The following TENM4 variants were observed in gnomAD, a reference collection of about 807,000 sequenced individuals.
TENM4 encodes teneurin transmembrane protein 4.
A neutral mutation model predicts 243.3 loss-of-function variants in TENM4; 82 were observed. That is an observed-to-expected ratio of 0.34 (90% confidence interval 0.28 to 0.40). TENM4 has a LOEUF of 0.40. Among genes scored for constraint, TENM4 ranks in the 10% least tolerant of loss-of-function variants. The pLI is 1.00. For synonymous variants in TENM4, 1,412 were observed against 1,456.3 expected (o/e 0.97, Z 0.69); for missense variants, 3,138 against 3,673.3 (o/e 0.85, Z 3.77).
chr11:79,325,008 AG>A (rs1856950528), intron 1 of TENM4, among the ~76,000 whole-genome samples: 1 of 152,222 alleles, frequency 6.6e-6, no homozygotes, highest in African/African-American at 2.4e-5. Flanking sequence ...AGCCAGGGAC[AG>A]GTTTTTCTGA....
chr11:79,220,844 A>G (rs1310425688), intron 2 of TENM4: 1 of 152,194 alleles, frequency 6.6e-6, no homozygotes, highest in Admixed American at 6.5e-5. Context: ...CAAACTACAG[A>G]GTCTGTAGTT....
intron 2 of TENM4, among the ~76,000 whole-genome samples, chr11:79,285,240 A>AAAAT (rs754881459): frequency 1.0e-4 from 14 of 138,584 alleles, no homozygotes; most frequent in Non-Finnish European, 2.1e-4. Context: ...CAGTTTCAAA[A>AAAAT]AAATAAATAA....
At chr11:78,782,264 C>A (rs1383547082) in intron 16 of TENM4, among the ~76,000 whole-genome samples, 1 of 150,252 alleles carries the variant, frequency 6.7e-6, no homozygotes, top group African/African-American at 2.5e-5. Flanking sequence ...TTGTTAGAGA[C>A]CAGCCTGGTC....
chr11:78,933,225 GA>G (rs1856710614), intron 6 of TENM4, among the ~76,000 whole-genome samples: 1 of 152,074 alleles, frequency 6.6e-6, no homozygotes, highest in Admixed American at 6.5e-5. Context: ...CATTGGTAAG[GA>G]GGGGATAATA....
Position 78,657,953 on chromosome 11 carries a change from G to C in TENM4, c.*105C>G. On this transcript the variant is annotated 3_prime_UTR_variant, in exon 34 of 34. Coordinates refer to ENST00000278550, the MANE Select transcript of TENM4 (RefSeq NM_001098816.3). ...GTTACAATGCAACCAGTATCTTTTT[G>C]TTTCTGCACTTGTTAAAAAATCATT... 6.5e-7 allele frequency: 1 copy of C among 1,539,854 alleles called. No individual in the cohort carries two copies. The highest frequency in any genetic ancestry group is 9.0e-7 in the Non-Finnish European group (1 of 1,117,294).
chr11:79,061,220 G>T (rs570003004), intron 6 of TENM4, among the ~76,000 whole-genome samples: 1 of 152,274 alleles, frequency 6.6e-6, no homozygotes, highest in South Asian at 2.1e-4. Context: ...TCCCATGATT[G>T]CTGTCATTAT....
At chr11:79,186,802 C>T (rs529429756) in intron 3 of TENM4, among the ~76,000 whole-genome samples, 2 of 152,282 alleles carry the variant, frequency 1.3e-5, no homozygotes, top group African/African-American at 4.8e-5. Context: ...TGAATCTATA[C>T]TTGAATGCAC....
At chr11:78,979,013 T>A (rs1390811904) in intron 6 of TENM4, among the ~76,000 whole-genome samples, 1 of 152,084 alleles carries the variant, frequency 6.6e-6, no homozygotes, top group Non-Finnish European at 1.5e-5. Context: ...ATTGGGGAAA[T>A]GACAGAAGAG....
intron 6 of TENM4, among the ~76,000 whole-genome samples, chr11:79,061,965 A>ATTTTTT (rs10647135): frequency 7.0e-6 from 1 of 143,292 alleles, no homozygotes; most frequent in Admixed American, 6.9e-5. Context: ...GGTGGCAACT[A>ATTTTTT]TTTTTTTTTT....
chr11:78,736,490 G>GCA (rs1266387640), intron 20 of TENM4, among the ~76,000 whole-genome samples: 9 of 149,782 alleles, frequency 6.0e-5, no homozygotes, highest in African/African-American at 2.2e-4. Context: ...GCGCGCGCGT[G>GCA]CATGTGAGTA....
chr11:79,324,368 C>T (rs1856939774), intron 1 of TENM4, among the ~76,000 whole-genome samples: 1 of 151,882 alleles, frequency 6.6e-6, no homozygotes, highest in African/African-American at 2.4e-5. Flanking sequence ...ACTATAAGTA[C>T]ATACCACTAT....
chr11:78,935,470 T>C (rs546723051), intron 6 of TENM4, among the ~76,000 whole-genome samples: 2 of 152,338 alleles, frequency 1.3e-5, no homozygotes, highest in East Asian at 3.9e-4. Context: ...CTGCCCATTT[T>C]ACAGGTGAGG....
chr11:79,232,092 A>G (rs539882621), intron 2 of TENM4, among the ~76,000 whole-genome samples: 1 of 152,312 alleles, frequency 6.6e-6, no homozygotes, highest in East Asian at 1.9e-4. Context: ...AGAAAAAAGA[A>G]AAAGCAAACA....
intron 27 of TENM4, among the ~76,000 whole-genome samples, chr11:78,704,157 G>GTATATATATATA (rs1201390547): frequency 1.4e-5 from 1 of 70,536 alleles, no homozygotes; most frequent in Non-Finnish European, 2.8e-5. Context: ...ATGTATGTGT[G>GTATATATATATA]TCTATATATA....
At chr11:78,695,606 A>G (rs1455120299) in intron 28 of TENM4, among the ~76,000 whole-genome samples, 1 of 151,402 alleles carries the variant, frequency 6.6e-6, no homozygotes, top group South Asian at 2.1e-4. Context: ...CAGGTGATCC[A>G]CCTGCCTCGG....
In TENM4 at chr11:78,702,128, C is replaced by A. The variant is rs752059393; in HGVS notation, c.4485G>T (p.Arg1495Ser). The change falls in exon 28 of 34, where the codon AGG (arginine) becomes AGT (serine). Residue 1495 changes from arginine to serine, a missense_variant. Arg to Ser is a moderately radical substitution (Grantham distance 110). Around this residue, in one of 2 missense-constraint regions of TENM4, gnomAD observed 2,467 missense variants for 3,059.1 expected, o/e 0.81. Transcript: ENST00000278550. ...ETDEKKINRI[R>S]QVTTSGEISL... is the part of the protein sequence containing the mutation. ...AGATCTCTCCACTAGTGGTGACCTG[C>A]CTGATGCGGTTGATCTTTTTCTCAT... 3 of 1,613,940 alleles carry A rather than the reference C, an allele frequency of 1.9e-6. No individual in the cohort carries two copies. Among genetic ancestry groups the A allele is most frequent in the Admixed American group, 1.7e-5 (1 of 60,032 alleles).
In TENM4 at chr11:79,027,889, C is replaced by T. The variant is rs141828971; in HGVS notation, c.493+36849G>A. Among the ~76,000 whole-genome samples the T allele has an allele frequency of 5.8e-3, 879 of 152,230 alleles. 9 individuals carry two copies. Among genetic ancestry groups the T allele is most frequent in the African/African-American group, 0.02 (823 of 41,524 alleles). On this transcript the variant is annotated intron_variant, in intron 6 of 33. Transcript: ENST00000278550. ...TGAGCCTCAATTCAGCCCCCTAACACGCTTGCAATGTAGGTACTATGAAGC... is the reference window on the plus strand; with the variant it reads ...TGAGCCTCAATTCAGCCCCCTAACATGCTTGCAATGTAGGTACTATGAAGC...
intron 6 of TENM4, chr11:78,962,212 C>A (rs1264636835): frequency 6.6e-6 from 1 of 152,594 alleles, no homozygotes; most frequent in Non-Finnish European, 1.5e-5. Flanking sequence ...AACTCTTCCT[C>A]AGAGTCTGAG....
rs1409319409 is a variant in TENM4 at position 78,672,037 on chromosome 11, T to G, written c.5789A>C (p.Glu1930Ala). ...DGKTWSYTYL[E>A]KSMVLLLHSQ... ...TGCAGGGAGACAGACACCTGCCTTCTCTAAGTATGTGTAGCTCCATGTCTT... is the reference window on the plus strand; with the variant it reads ...TGCAGGGAGACAGACACCTGCCTTCGCTAAGTATGTGTAGCTCCATGTCTT... The change falls in exon 31 of 34, where the codon GAG becomes GCG. Residue 1930 changes from glutamate to alanine, a missense_variant. Glu to Ala is a moderately radical substitution (Grantham distance 107). Transcript: ENST00000278550. 6.2e-7 allele frequency: 1 copy of G among 1,612,198 alleles called. No individual in the cohort carries two copies. Among genetic ancestry groups the G allele is most frequent in the Non-Finnish European group, 8.5e-7 (1 of 1,178,582 alleles).
Sources: gnomAD v4.1 joint callset for allele counts (sites outside exome capture counted in the v4.1 genomes callset) on GRCh38, gnomAD v4.1.1 for gene constraint, gnomAD v4.1.1 regional missense constraint, MANE v1.5 for transcripts, NCBI Gene and HGNC (gene_info 2026-07-23, HGNC 2026-07-21) for gene names.